The following SPTBN1 variants were observed in gnomAD, a reference collection of about 807,000 sequenced individuals.
The protein encoded by SPTBN1 is spectrin beta chain, non-erythrocytic 1.
A neutral mutation model predicts 266.4 loss-of-function variants in SPTBN1; 32 were observed. The observed-to-expected ratio is 0.12, with a 90% CI of 0.09 to 0.16. SPTBN1 has a LOEUF of 0.16. SPTBN1 is among the 10% of genes least tolerant of loss of function. The pLI is 1.00. For synonymous variants in SPTBN1, 1,336 were observed against 1,162.2 expected (o/e 1.15, Z -3.04); for missense variants, 2,296 against 3,067.1 (o/e 0.75, Z 5.94).
At chr2:54,611,472 C>G (rs1052424546) in intron 3 of SPTBN1, among the ~76,000 whole-genome samples, 2 of 151,308 alleles carry the variant, frequency 1.3e-5, no homozygotes, top group Non-Finnish European at 2.9e-5. Flanking sequence ...TCTACTCTCT[C>G]TCTATATATA....
At position 54,647,365 on chromosome 2, in the gene SPTBN1, G is replaced by C. The variant is rs1679991773; in HGVS notation, c.4997+104G>C. 2.7e-6 allele frequency: 4 copies of C among 1,476,126 alleles called. No individual in the cohort carries two copies. In the Admixed American group the frequency reaches 8.1e-5, roughly 30 times the overall value. 91.4% of individuals were successfully genotyped at this position (1,476,126 alleles called of 1,614,324 possible). ...AAAATGTCAGCATTCATCATGACTT[G>C]CTGGTAAGGCAAATCTTTGAGAAGC... On this transcript the variant is annotated intron_variant, in intron 24 of 35. Transcript: ENST00000356805.
rs1671693705 is a variant in SPTBN1 at position 54,537,741 on chromosome 2, T to A, written c.148+11175T>A. On this transcript the variant is annotated intron_variant, in intron 2 of 35. Transcript: ENST00000356805. ...GTGACCTTGTGTAAGTGGGCTTCTGTCTCTGCCCCTTGTAGGTAGTCTTCT... is the reference window on the plus strand; with the variant it reads ...GTGACCTTGTGTAAGTGGGCTTCTGACTCTGCCCCTTGTAGGTAGTCTTCT... Among the ~76,000 whole-genome samples, 3 of 152,316 alleles carry A rather than the reference T, an allele frequency of 2.0e-5. No individual in the cohort carries two copies. The South Asian group carries it at 6.2e-4, about 32-fold the overall frequency.
At chr2:54,578,768 G>C in intron 2 of SPTBN1, among the ~76,000 whole-genome samples, 1 of 151,986 alleles carries the variant, frequency 6.6e-6, no homozygotes, top group East Asian at 1.9e-4. Context: ...GTGTGTGTGT[G>C]TGTGTGTGTG....
chr2:54,644,671 T>TC, intron 20 of SPTBN1, 85 bp downstream of exon 20: 1 of 1,500,742 alleles, frequency 6.7e-7, no homozygotes, highest in East Asian at 2.3e-5. Context: ...CACTGCATTA[T>TC]CAGGAGTCCA....
rs763139999 is a variant in SPTBN1 at position 54,670,743 on chromosome 2, T to G, written c.*2174T>G. On this transcript the variant is annotated 3_prime_UTR_variant, in exon 36 of 36. Coordinates refer to ENST00000356805, the MANE Select transcript of SPTBN1 (RefSeq NM_003128.3). ...AACATCGTGCACATAATTTCAACAGTTCGCAGATCTGTAGTTATGAAGCCA... is the reference window on the plus strand; with the variant it reads ...AACATCGTGCACATAATTTCAACAGGTCGCAGATCTGTAGTTATGAAGCCA... 6 of 398,476 alleles carry G rather than the reference T, an allele frequency of 1.5e-5. No individual in the cohort carries two copies. The highest frequency in any genetic ancestry group is 2.2e-5 in the Non-Finnish European group (5 of 226,074). The allele number at this position is 398,476 out of a possible 1,614,324, so 24.7% of individuals were successfully genotyped here. A position where few individuals can be genotyped will look rare whatever the true frequency, so the allele number is the denominator to read the frequency against.
intron 26 of SPTBN1, among the ~76,000 whole-genome samples, chr2:54,652,200 T>C (rs544002998): frequency 1.3e-5 from 2 of 152,326 alleles, no homozygotes; most frequent in East Asian, 3.9e-4. Flanking sequence ...GCACTACTGA[T>C]GTTACATACT....
intron 1 of SPTBN1, among the ~76,000 whole-genome samples, chr2:54,496,282 C>G (rs1468101191): frequency 4.0e-5 from 6 of 151,640 alleles, no homozygotes; most frequent in African/African-American, 9.7e-5. Flanking sequence ...TACTAAAATA[C>G]AAAAAATTAG....
Position 54,659,227 on chromosome 2 carries a change from G to A in SPTBN1, c.6317G>A (p.Ser2106Asn). 1 of 1,614,148 alleles carries A rather than the reference G, an allele frequency of 6.2e-7. No homozygotes were observed. The highest frequency in any genetic ancestry group is 2.2e-5 in the East Asian group (1 of 44,878). Residue 2106 changes from serine to asparagine, a missense_variant, in exon 31 of 36, where the codon AGC (serine) becomes AAC (asparagine). Physicochemically the swap from Ser to Asn is conservative, Grantham distance 46. Transcript: ENST00000356805. ...RKRRPPSPEP[S>N]TKVSEEAESQ... ...AGGCGGCCGCCTTCTCCCGAGCCGA[G>A]CACGAAGGTTTCAGAGGAAGCCGAG...
rs1679668269 is a variant in SPTBN1 at position 54,642,852 on chromosome 2, AAT to A, written c.3859-128_3859-127del. 3 of 1,167,326 alleles carry A rather than the reference AAT, an allele frequency of 2.6e-6. No homozygotes were observed. The East Asian group carries it at 7.3e-5, about 28-fold the overall frequency. The allele number at this position is 1,167,326 out of a possible 1,614,324, so 72.3% of individuals were successfully genotyped here. A position where few individuals can be genotyped will look rare whatever the true frequency, so the allele number is the denominator to read the frequency against. On this transcript the variant is annotated intron_variant, in intron 18 of 35. Coordinates refer to ENST00000356805, the MANE Select transcript of SPTBN1 (RefSeq NM_003128.3). ...ATGACGGGTCAGAGTTGTGAAGTTA[AAT>A]ATTTGGTTGTCTGTCACCATGGAAA...
rs73934322 is a variant in SPTBN1 at position 54,519,609 on chromosome 2, C to T, written c.-47-6763C>T. On this transcript the variant is annotated intron_variant, in intron 1 of 35. Coordinates refer to ENST00000356805, the MANE Select transcript of SPTBN1 (RefSeq NM_003128.3). Reference sequence around the variant, plus strand: ...CCAGGCTAGAGAGATGGGCAAGGTCCTCGTGAAGAATCTCATTTTCTCTCC... The same window carrying T: ...CCAGGCTAGAGAGATGGGCAAGGTCTTCGTGAAGAATCTCATTTTCTCTCC... Among the ~76,000 whole-genome samples the T allele has an allele frequency of 9.9e-3, 1,508 of 152,280 alleles. 30 individuals carry two copies. The highest frequency in any genetic ancestry group is 0.034 in the African/African-American group (1,423 of 41,556).
chr2:54,618,810 G>A (rs1168910696), intron 7 of SPTBN1, among the ~76,000 whole-genome samples: 2 of 152,136 alleles, frequency 1.3e-5, no homozygotes, highest in Non-Finnish European at 2.9e-5. Context: ...GGGGTGGAAG[G>A]AGCAGCAGTC....
At chr2:54,521,059 C>T (rs149724599) in intron 1 of SPTBN1, among the ~76,000 whole-genome samples, 13 of 152,310 alleles carry the variant, frequency 8.5e-5, no homozygotes, top group Admixed American at 2.6e-4. Context: ...GGAGGCATGG[C>T]CAATAGCACC....
chr2:54,613,075 CT>C (rs1188611950), intron 4 of SPTBN1, among the ~76,000 whole-genome samples: 1 of 152,180 alleles, frequency 6.6e-6, no homozygotes, highest in Non-Finnish European at 1.5e-5. Context: ...CCTCTGACCC[CT>C]TAAGAGAGAG....
chr2:54,542,270 C>G (rs1354615514), intron 2 of SPTBN1, among the ~76,000 whole-genome samples: 5 of 152,192 alleles, frequency 3.3e-5, no homozygotes, highest in Non-Finnish European at 5.9e-5. Context: ...TCAGGCCAAG[C>G]AAGCAGTGCC....
chr2:54,499,856 A>G (rs1162112972), intron 1 of SPTBN1, among the ~76,000 whole-genome samples: 1 of 152,246 alleles, frequency 6.6e-6, no homozygotes, highest in African/African-American at 2.4e-5. Context: ...GTCAGCCAAC[A>G]CAGAGTTTTG....
chr2:54,484,807 C>G (rs1009483796), intron 1 of SPTBN1, among the ~76,000 whole-genome samples: 1 of 152,146 alleles, frequency 6.6e-6, no homozygotes, highest in East Asian at 1.9e-4. Flanking sequence ...CGCAATGTGG[C>G]TCATTCCAGG....
intron 7 of SPTBN1, among the ~76,000 whole-genome samples, chr2:54,619,368 GA>G (rs1677846216): frequency 6.6e-6 from 1 of 152,188 alleles, no homozygotes; most frequent in African/African-American, 2.4e-5. Flanking sequence ...CTATGGGAAG[GA>G]ATTTTTCCTT....
intron 3 of SPTBN1, among the ~76,000 whole-genome samples, chr2:54,611,930 T>C (rs1210889192): frequency 4.6e-5 from 7 of 152,184 alleles, no homozygotes; most frequent in Non-Finnish European, 1.0e-4. Flanking sequence ...ACTATATAGC[T>C]CCACAACTAT....
At chr2:54,492,770 G>T (rs1261834189) in intron 1 of SPTBN1, among the ~76,000 whole-genome samples, 2 of 152,148 alleles carry the variant, frequency 1.3e-5, no homozygotes, top group African/African-American at 4.8e-5. Flanking sequence ...TTCCTTTCAT[G>T]TGGAATAGAA....
Sources: allele counts gnomAD v4.1 joint callset (sites outside exome capture counted in the v4.1 genomes callset), GRCh38; gene constraint gnomAD v4.1.1; transcripts MANE v1.5; gene names NCBI Gene and HGNC (gene_info 2026-07-23, HGNC 2026-07-21).